Variants in SLC25A26 observed in about 807,000 individuals in gnomAD.
SLC25A26 encodes the protein mitochondrial S-adenosylmethionine carrier protein.
SLC25A26 carries 36 observed loss-of-function variants against 37.8 expected under a neutral mutation model. That is an observed-to-expected ratio of 0.95 (90% CI 0.73 to 1.26). The LOEUF (loss-of-function observed/expected upper bound fraction) is 1.26, where lower values mean the gene tolerates loss of function less well. Among genes scored for constraint, SLC25A26 ranks in the 50% most tolerant of loss-of-function variants. The probability of loss-of-function intolerance (pLI) is 0.00; values close to 1 mark genes in which losing one functional copy is unlikely to be tolerated. For synonymous variants in SLC25A26, 129 were observed against 122.5 expected (o/e 1.05, Z -0.35); for missense variants, 390 against 331.1 (o/e 1.18, Z -1.38).
chr3:66,213,077 G>T (rs966318489), intron 1 of SLC25A26, among the ~76,000 whole-genome samples: 3 of 152,066 alleles, frequency 2.0e-5, no homozygotes, highest in Admixed American at 6.5e-5. Flanking sequence ...CGTGACTAAG[G>T]AATGTTACCA....
intron 1 of SLC25A26, among the ~76,000 whole-genome samples, chr3:66,154,145 G>T (rs1269216703): frequency 6.6e-6 from 1 of 152,038 alleles, no homozygotes; most frequent in Non-Finnish European, 1.5e-5. Context: ...GGCTGTCTGG[G>T]CAATTTGGGT....
chr3:66,368,515 G>A (rs530707176), intron 7 of SLC25A26, among the ~76,000 whole-genome samples: 34 of 152,304 alleles, frequency 2.2e-4, no homozygotes, highest in African/African-American at 6.5e-4. Flanking sequence ...GCGAGACTCA[G>A]GCTAAGAAGA....
rs34315256 is a variant in SLC25A26, at chr3:66,297,328, CAA to C, written c.453+33968_453+33969del. On this transcript the variant is annotated intron_variant, in intron 5 of 9. Coordinates refer to ENST00000354883, the MANE Select transcript of SLC25A26 (RefSeq NM_001379210.1). ...GGTCAACAACAGTGAAACTCCATCT[CAA>C]AAAAAAAAAAAAAAAAAAGAATGTC... 3.3e-3 allele frequency among the ~76,000 whole-genome samples: 354 copies of C among 106,370 alleles called. 3 individuals are homozygous for C. The highest frequency in any genetic ancestry group is 0.023 in the South Asian group (77 of 3,334). The allele number at this position is 106,370 out of a possible 152,430, so 69.8% of individuals were successfully genotyped here. A position where few individuals can be genotyped will look rare whatever the true frequency, so the allele number is the denominator to read the frequency against.
chr3:66,205,196 A>C (rs1397035540), intron 1 of SLC25A26, among the ~76,000 whole-genome samples: 1 of 152,212 alleles, frequency 6.6e-6, no homozygotes, highest in Admixed American at 6.5e-5. Context: ...TATTAATTTC[A>C]CACTCCTTGA....
chr3:66,374,887 A>ATT (rs1365915213), intron 9 of SLC25A26, among the ~76,000 whole-genome samples: 3 of 151,750 alleles, frequency 2.0e-5, no homozygotes, highest in South Asian at 2.1e-4. Flanking sequence ...TCAAAAAAAA[A>ATT]AATTAATTAA....
intron 1 of SLC25A26, among the ~76,000 whole-genome samples, chr3:66,164,838 TATC>T (rs1269490103): frequency 6.6e-6 from 1 of 152,170 alleles, no homozygotes; most frequent in East Asian, 1.9e-4. Context: ...ACAACCCAGT[TATC>T]ATGGTGGTAA....
At chr3:66,236,972 G>A (rs1356998213) in intron 2 of SLC25A26, among the ~76,000 whole-genome samples, 1 of 152,138 alleles carries the variant, frequency 6.6e-6, no homozygotes, top group South Asian at 2.1e-4. Flanking sequence ...AAGTAGCTGG[G>A]ACTACAGGCG....
chr3:66,135,823 A>G (rs2069938087), intron 1 of SLC25A26, among the ~76,000 whole-genome samples: 1 of 152,206 alleles, frequency 6.6e-6, no homozygotes, highest in Admixed American at 6.5e-5. Flanking sequence ...TAACATAAGT[A>G]TAAGGCAAAA....
intron 5 of SLC25A26, among the ~76,000 whole-genome samples, chr3:66,315,249 T>C (rs2075503770): frequency 6.6e-6 from 1 of 152,292 alleles, no homozygotes; most frequent in South Asian, 2.1e-4. Flanking sequence ...AACTTTTTGA[T>C]GTAGGCATTT....
chr3:66,338,040 C>T (rs1374203143), intron 5 of SLC25A26, among the ~76,000 whole-genome samples: 1 of 151,826 alleles, frequency 6.6e-6, no homozygotes, highest in African/African-American at 2.4e-5. Flanking sequence ...ATCTTCAGTC[C>T]CATTCTGCCT....
rs954181331 is a variant in SLC25A26, at chr3:66,196,302, G to A, written c.-353-24440G>A. ...TGGTCATGCTGACTTCGCAGCTTCT[G>A]TGCGTATCTATGCACTCAACTTGTC... On this transcript the variant is annotated intron_variant, in intron 1 of 10. Coordinates refer to the SLC25A26 transcript ENST00000676754. Among the ~76,000 whole-genome samples, 696 of 152,326 alleles carry A rather than the reference G, an allele frequency of 4.6e-3. 7 individuals are homozygous for A. Among genetic ancestry groups the A allele is most frequent in the African/African-American group, 0.016 (655 of 41,566 alleles).
intron 1 of SLC25A26, among the ~76,000 whole-genome samples, chr3:66,154,047 T>C (rs1415108984): frequency 6.6e-6 from 1 of 152,182 alleles, no homozygotes; most frequent in Non-Finnish European, 1.5e-5. Flanking sequence ...CTTGGTTGAT[T>C]CTGGTCTGAG....
chr3:66,135,647 A>T (rs1406148744), intron 1 of SLC25A26, among the ~76,000 whole-genome samples: 1 of 152,108 alleles, frequency 6.6e-6, no homozygotes, highest in African/African-American at 2.4e-5. Context: ...TGTACTTGTA[A>T]TCTCAGCTAC....
intron 1 of SLC25A26, among the ~76,000 whole-genome samples, chr3:66,235,348 C>T (rs907872936): frequency 1.3e-5 from 2 of 152,098 alleles, no homozygotes; most frequent in African/African-American, 2.4e-5. Context: ...CCCCAAAATC[C>T]ATTTAGCAGA....
intron 5 of SLC25A26, among the ~76,000 whole-genome samples, chr3:66,315,503 G>T (rs1202550591): frequency 2.0e-5 from 3 of 152,104 alleles, no homozygotes; most frequent in African/African-American, 7.2e-5. Context: ...TATGATTTCA[G>T]TTATTTTGCA....
chr3:66,368,109 A>G (rs894539591), intron 7 of SLC25A26, among the ~76,000 whole-genome samples: 1 of 152,204 alleles, frequency 6.6e-6, no homozygotes, highest in East Asian at 1.9e-4. Flanking sequence ...TTTCAGCATC[A>G]TAATTAGATA....
At chr3:66,168,754 A>G (rs2070457929) in intron 1 of SLC25A26, among the ~76,000 whole-genome samples, 1 of 152,300 alleles carries the variant, frequency 6.6e-6, no homozygotes, top group South Asian at 2.1e-4. Flanking sequence ...CTGTCCCCCA[A>G]GGAAGAATTT....
At chr3:66,197,354 T>C (rs2071058741) in intron 1 of SLC25A26, among the ~76,000 whole-genome samples, 1 of 151,846 alleles carries the variant, frequency 6.6e-6, no homozygotes, top group African/African-American at 2.4e-5. Flanking sequence ...AGTGTCAAGG[T>C]TGGGTCATGG....
chr3:66,267,056 G>A (rs13081023), intron 5 of SLC25A26, among the ~76,000 whole-genome samples: 2 of 151,976 alleles, frequency 1.3e-5, no homozygotes, highest in Non-Finnish European at 2.9e-5. Context: ...GCACTACAAG[G>A]AACATTTCTG....
Sources: allele counts gnomAD v4.1 joint callset (sites outside exome capture counted in the v4.1 genomes callset), GRCh38; gene constraint gnomAD v4.1.1; transcripts MANE v1.5; gene names NCBI Gene and HGNC (gene_info 2026-07-23, HGNC 2026-07-21).